Variants in FHIT observed in about 807,000 individuals in gnomAD.
The protein encoded by FHIT is bis(5'-adenosyl)-triphosphatase.
FHIT carries 19 observed loss-of-function variants against 17.9 expected under a neutral mutation model. That is an observed-to-expected ratio of 1.06 (90% CI 0.74 to 1.56). FHIT has a LOEUF of 1.56. Among genes scored for constraint, FHIT ranks in the 40% most tolerant of loss-of-function variants. The pLI is 0.00. For synonymous variants in FHIT, 81 were observed against 69.7 expected (o/e 1.16, Z -0.81); for missense variants, 248 against 189.2 (o/e 1.31, Z -1.82).
chr3:60,362,119 A>G (rs969278566), intron 5 of FHIT, among the ~76,000 whole-genome samples: 1 of 152,156 alleles, frequency 6.6e-6, no homozygotes, highest in South Asian at 2.1e-4. Flanking sequence ...TTATAGCATG[A>G]TGTTATAGAA....
intron 8 of FHIT, among the ~76,000 whole-genome samples, chr3:59,756,077 G>C (rs1701203380): frequency 6.6e-6 from 1 of 152,136 alleles, no homozygotes; most frequent in South Asian, 2.1e-4. Context: ...ACTACTGTCA[G>C]TCATTAGCAT....
At chr3:60,475,636 T>G (rs2033307551) in intron 5 of FHIT, among the ~76,000 whole-genome samples, 1 of 152,204 alleles carries the variant, frequency 6.6e-6, no homozygotes, top group Admixed American at 6.5e-5. Flanking sequence ...ACCTGTCAAC[T>G]TCATGGGCCT....
intron 5 of FHIT, among the ~76,000 whole-genome samples, chr3:60,114,176 T>C (rs1047379781): frequency 1.3e-5 from 2 of 149,328 alleles, no homozygotes; most frequent in African/African-American, 4.9e-5. Context: ...TTAATCCTCA[T>C]AATCAGACAA....
intron 5 of FHIT, among the ~76,000 whole-genome samples, chr3:60,304,333 T>C (rs544525056): frequency 6.6e-6 from 1 of 152,154 alleles, no homozygotes; most frequent in East Asian, 1.9e-4. Context: ...TTAGCAGATC[T>C]CTACCAGGAG....
At chr3:61,222,006 G>A (rs1037382654) in intron 1 of FHIT, among the ~76,000 whole-genome samples, 1 of 152,206 alleles carries the variant, frequency 6.6e-6, no homozygotes, top group Non-Finnish European at 1.5e-5. Context: ...GGGTCAGGCA[G>A]CAGCCTCTGC....
chr3:60,022,451 G>A (rs183469268), intron 5 of FHIT, among the ~76,000 whole-genome samples: 6 of 152,312 alleles, frequency 3.9e-5, no homozygotes, highest in Non-Finnish European at 5.9e-5. Context: ...TCACTTCTGG[G>A]CTAAAGCCCT....
chr3:60,698,138 T>C (rs2041156772), intron 4 of FHIT, among the ~76,000 whole-genome samples: 1 of 152,164 alleles, frequency 6.6e-6, no homozygotes, highest in African/African-American at 2.4e-5. Flanking sequence ...GCCAGAGTCT[T>C]TTTTTCCTAT....
chr3:60,112,705 A>T (rs1217836094), intron 5 of FHIT, among the ~76,000 whole-genome samples: 1 of 152,214 alleles, frequency 6.6e-6, no homozygotes, highest in Non-Finnish European at 1.5e-5. Context: ...TTGAATGAGG[A>T]TAGAATGGAA....
Position 60,439,016 on chromosome 3 carries a change from G to A in FHIT, c.103+97844C>T, listed in dbSNP as rs78133225. Among the ~76,000 whole-genome samples the A allele has an allele frequency of 7.5e-3, 1,139 of 152,104 alleles. 6 individuals are homozygous for A. The highest frequency in any genetic ancestry group is 0.016 in the African/African-American group (646 of 41,510). On this transcript the variant is annotated intron_variant, in intron 5 of 9. Transcript: ENST00000492590. Reference sequence around the variant, plus strand: ...AGCCATTGCTTCCATTACTTTTTTCGAAAGATGAGATAAATCGAATTGGTG... The same window carrying A: ...AGCCATTGCTTCCATTACTTTTTTCAAAAGATGAGATAAATCGAATTGGTG...
At chr3:60,905,239 T>C (rs1014897231) in intron 3 of FHIT, among the ~76,000 whole-genome samples, 5 of 152,146 alleles carry the variant, frequency 3.3e-5, no homozygotes, top group South Asian at 2.1e-4. Flanking sequence ...AAAAAGTACA[T>C]TGAGATACTA....
chr3:60,679,974 C>T (rs1352395091), intron 4 of FHIT, among the ~76,000 whole-genome samples: 1 of 152,066 alleles, frequency 6.6e-6, no homozygotes, highest in African/African-American at 2.4e-5. Context: ...AAAATCGTCT[C>T]TTAGTTGAAT....
chr3:59,975,487 TTTTTA>T (rs1286652045), intron 7 of FHIT, among the ~76,000 whole-genome samples: 1 of 152,138 alleles, frequency 6.6e-6, no homozygotes, highest in Non-Finnish European at 1.5e-5. Flanking sequence ...TTAGCCATTA[TTTTTA>T]TTTTCTTTCT....
Position 61,234,185 on chromosome 3 carries a change from G to A in FHIT, c.-213+17116C>T, listed in dbSNP as rs115734707. Among the ~76,000 whole-genome samples the A allele has an allele frequency of 5.6e-3, 849 of 152,238 alleles. 14 individuals carry two copies. The highest frequency in any genetic ancestry group is 0.019 in the African/African-American group (788 of 41,514). On this transcript the variant is annotated intron_variant, in intron 1 of 9. Transcript: ENST00000492590. ...AGAGCCCAGGAGAAGCTGTTAGTGA[G>A]GATTCGAGATCCATAGGGGAGCACT...
intron 5 of FHIT, among the ~76,000 whole-genome samples, chr3:60,425,877 A>T (rs565638783): frequency 2.5e-4 from 38 of 152,130 alleles, no homozygotes; most frequent in African/African-American, 9.2e-4. Flanking sequence ...GCCATCCCAT[A>T]TAAGATGCCA....
intron 5 of FHIT, among the ~76,000 whole-genome samples, chr3:60,533,805 G>C (rs1289528738): frequency 6.6e-6 from 1 of 152,118 alleles, no homozygotes; most frequent in African/African-American, 2.4e-5. Context: ...TAAGGAATTT[G>C]GACTTTATCC....
At chr3:60,099,330 T>G (rs1292454407) in intron 5 of FHIT, among the ~76,000 whole-genome samples, 1 of 152,164 alleles carries the variant, frequency 6.6e-6, no homozygotes, top group African/African-American at 2.4e-5. Flanking sequence ...TAATGGCTAA[T>G]TTGGTGTCAG....
chr3:60,114,745 C>T (rs945871223), intron 5 of FHIT, among the ~76,000 whole-genome samples: 2 of 151,932 alleles, frequency 1.3e-5, no homozygotes, highest in East Asian at 3.9e-4. Context: ...GCACCTGTCT[C>T]AGCCTCATGG....
At chr3:59,989,587 A>G (rs1264473885) in intron 7 of FHIT, among the ~76,000 whole-genome samples, 6 of 152,044 alleles carry the variant, frequency 3.9e-5, no homozygotes, top group African/African-American at 7.2e-5. Flanking sequence ...AGAACGTTCT[A>G]TTTTGCAAAA....
At chr3:60,002,081 A>G (rs1477062410) in intron 7 of FHIT, among the ~76,000 whole-genome samples, 1 of 152,168 alleles carries the variant, frequency 6.6e-6, no homozygotes, top group Non-Finnish European at 1.5e-5. Flanking sequence ...TTGTTAACTC[A>G]ATGTTGTTTA....
Sources: allele counts gnomAD v4.1 joint callset (sites outside exome capture counted in the v4.1 genomes callset), GRCh38; gene constraint gnomAD v4.1.1; transcripts MANE v1.5; gene names NCBI Gene and HGNC (gene_info 2026-07-23, HGNC 2026-07-21).